ABCB9: variants seen among roughly 807,000 people sequenced by gnomAD.
ABCB9 encodes the protein ABC-type oligopeptide transporter ABCB9.
Under a neutral mutation model 62.0 loss-of-function variants are expected in ABCB9, and 36 were observed. The observed-to-expected ratio is 0.58, with a 90% CI of 0.45 to 0.77. The LOEUF (loss-of-function observed/expected upper bound fraction) is 0.77, where lower values mean the gene tolerates loss of function less well. ABCB9 is among the 30% of genes least tolerant of loss of function. The probability of loss-of-function intolerance (pLI) is 0.00; values close to 1 mark genes in which losing one functional copy is unlikely to be tolerated. For missense variants in ABCB9, 943 were observed against 1,054.7 expected, an observed-to-expected ratio of 0.89 and a Z score of 1.47; for synonymous variants, 435 against 461.4, an observed-to-expected ratio of 0.94 and a Z score of 0.73.
intron 9 of ABCB9, chr12:122,939,894 C>T: frequency 1.6e-6 from 1 of 621,046 alleles, no homozygotes. Context: ...TCAAGGGATC[C>T]TCCAGCCTCA....
upstream of ABCB9, among the ~76,000 whole-genome samples, chr12:122,968,984 C>T (rs1439360309): frequency 6.6e-6 from 1 of 152,172 alleles, no homozygotes; most frequent in African/African-American, 2.4e-5. Context: ...CACTGCGTCC[C>T]TTTCACATAT....
rs1170062562 is a variant in ABCB9 at position 122,944,148 on chromosome 12, C to T, written c.1380+243G>A. 2.6e-5 allele frequency among the ~76,000 whole-genome samples: 4 copies of T among 152,072 alleles called. No individual in the cohort carries two copies. The East Asian group carries it at 7.7e-4, about 29-fold the overall frequency. On this transcript the variant is annotated intron_variant, in intron 7 of 11. Transcript: ENST00000280560. This position sits in a 1 kb window ranked among gnomAD's most constrained non-coding sequence, Gnocchi z 4.9. ...TTCACCATGTTGGCCAGGCTGGTCT[C>T]GAACTCCTGACCTCAAGTGATCCAC... is the stretch of plus-strand genomic sequence containing the variant.
At chr12:122,958,704 G>A (rs1309978072) in intron 2 of ABCB9, among the ~76,000 whole-genome samples, 3 of 151,992 alleles carry the variant, frequency 2.0e-5, no homozygotes, top group African/African-American at 7.2e-5. Flanking sequence ...TTAGCTGGGT[G>A]TGGTGCACGC....
chr12:122,932,603 G>C lies in ABCB9; in HGVS notation c.1904-275C>G, dbSNP rs1275805332. Among the ~76,000 whole-genome samples, 2 of 152,218 alleles carry C rather than the reference G, an allele frequency of 1.3e-5. No homozygotes were observed. The highest frequency in any genetic ancestry group is 2.9e-5 in the Non-Finnish European group (2 of 68,032). On this transcript the variant is annotated intron_variant, in intron 10 of 11. Transcript: ENST00000280560. The surrounding 1 kb of genome is among the most constrained non-coding windows in gnomAD (Gnocchi z 4.7). ...GTGCAGGTGAGGCTGCAGGGAGACAGGCCCTCACCCGTCCTCCTGGAGAAG... is the reference window on the plus strand; with the variant it reads ...GTGCAGGTGAGGCTGCAGGGAGACACGCCCTCACCCGTCCTCCTGGAGAAG...
At position 122,972,037 on chromosome 12, in the gene ABCB9, C is replaced by CTTTTTTTTT. The variant is rs57112984; in HGVS notation, c.-88+2669_-88+2677dup. The stretch of plus-strand genomic sequence containing the variant: ...TTCATAGCAGCTTCATTCATAATGT[C>CTTTTTTTTT]TTTTTTTTTTTTTTTTTTTTTTGTT... On this transcript the variant is annotated intron_variant, in intron 1 of 11. Coordinates refer to the ABCB9 transcript ENST00000392439. Among the ~76,000 whole-genome samples, 14 of 99,270 alleles carry CTTTTTTTTT rather than the reference C, an allele frequency of 1.4e-4. 2 individuals are homozygous for CTTTTTTTTT. Among genetic ancestry groups the CTTTTTTTTT allele is most frequent in the Non-Finnish European group, 1.9e-4 (10 of 53,234 alleles). The allele number at this position is 99,270 out of a possible 152,430, so 65.1% of individuals were successfully genotyped here. A position where few individuals can be genotyped will look rare whatever the true frequency, so the allele number is the denominator to read the frequency against.
exon 12 of ABCB9, chr12:122,920,986 C>T (rs926638629): frequency 2.0e-6 from 3 of 1,530,748 alleles, no homozygotes; most frequent in Non-Finnish European, 2.6e-6. Flanking sequence ...GAATGGTTAT[C>T]ATTGTCATCA....
chr12:122,939,949 G>T (rs1307902776), intron 9 of ABCB9, 162 bp downstream of exon 9: 2 of 1,033,360 alleles, frequency 1.9e-6, no homozygotes, highest in Non-Finnish European at 2.7e-6. Flanking sequence ...ACCACGTCTG[G>T]ACAAGAATGT....
chr12:122,931,922 G>T (rs762356670), intron 11 of ABCB9: 3 of 555,858 alleles, frequency 5.4e-6, no homozygotes, highest in Non-Finnish European at 9.5e-6. Flanking sequence ...GGGATTACAG[G>T]TGTAAGCCAC....
intron 1 of ABCB9, among the ~76,000 whole-genome samples, chr12:122,963,320 A>T (rs1294736567): frequency 1.3e-5 from 2 of 152,058 alleles, no homozygotes; most frequent in Non-Finnish European, 2.9e-5. Flanking sequence ...TCATCTAAGG[A>T]AAAGGGTCCC....
Position 122,940,218 on chromosome 12 carries a change from T to A in ABCB9, c.1636A>T (p.Ser546Cys). The change falls in exon 9 of 12, where the codon AGC (serine) becomes TGC (cysteine). Residue 546 changes from serine to cysteine, a missense_variant. By Grantham distance (112) the Ser-to-Cys change is moderately radical. Transcript: ENST00000280560. This position sits in a 1 kb window ranked among gnomAD's most constrained non-coding sequence, Gnocchi z 4.8. ...ALVGPSGSGKSSCVNILENFY... is the reference protein window; with the variant it reads ...ALVGPSGSGKCSCVNILENFY... ...TTCTCCAGGATGTTGACACAGGAGC[T>A]CTTCCCACTGCCCGAGGGCCCCACC... 6.2e-7 allele frequency: 1 copy of A among 1,612,712 alleles called. No homozygotes were observed. The highest frequency in any genetic ancestry group is 8.5e-7 in the Non-Finnish European group (1 of 1,179,228).
At position 122,944,411 on chromosome 12, in the gene ABCB9, C is replaced by T; in HGVS notation, c.1360G>A (p.Val454Ile). The T allele has an allele frequency of 2.5e-6, 4 of 1,613,654 alleles. No homozygotes were observed. The highest frequency in any genetic ancestry group is 3.4e-6 in the Non-Finnish European group (4 of 1,179,716). ...NLIAFIIYEF[V>I]LGDCMESVGS... is the part of the protein sequence containing the mutation. ...CTCACCTCCATACAATCTCCCAGGA[C>T]AAACTCGTAGATGATGAAGGCGATG... The change falls in exon 7 of 12, where the codon GTC (valine) becomes ATC (isoleucine). Residue 454 changes from valine (V) to isoleucine (I), a missense_variant. Val to Ile is a conservative substitution (Grantham distance 29). Coordinates refer to ENST00000280560, the MANE Select transcript of ABCB9 (RefSeq NM_019625.4). This position sits in a 1 kb window ranked among gnomAD's most constrained non-coding sequence, Gnocchi z 4.9.
intron 11 of ABCB9, among the ~76,000 whole-genome samples, chr12:122,921,829 CA>C (rs1034348228): frequency 3.4e-5 from 5 of 148,844 alleles, no homozygotes; most frequent in East Asian, 2.0e-4. Context: ...CTCCCTCTGC[CA>C]AAAAAAAAAT....
chr12:122,954,607 C>T (rs1390476657), intron 2 of ABCB9, among the ~76,000 whole-genome samples: 2 of 152,196 alleles, frequency 1.3e-5, no homozygotes, highest in African/African-American at 2.4e-5. Flanking sequence ...ATTCTCCTGC[C>T]TCAGCCTTCT....
At position 122,960,407 on chromosome 12, in the gene ABCB9, T is replaced by C. The variant is rs542206496; in HGVS notation, c.-87-85A>G. 8.0e-6 allele frequency: 7 copies of C among 877,144 alleles called. No individual in the cohort carries two copies. In the African/African-American group the frequency reaches 1.2e-4, roughly 15 times the overall value. The allele number at this position is 877,144 out of a possible 1,614,324, so 54.3% of individuals were successfully genotyped here. On this transcript the variant is annotated intron_variant, in intron 1 of 11. Coordinates refer to ENST00000280560, the MANE Select transcript of ABCB9 (RefSeq NM_019625.4). ...GTGACCTTGAGAAAGTCACTTGACA[T>C]CTCTGAGCCTTAGTTTTCTCATCTG...
chr12:122,947,690 C>A lies in ABCB9; in HGVS notation c.1053+934G>T. On this transcript the variant is annotated intron_variant, in intron 5 of 11. Coordinates refer to ENST00000280560, the MANE Select transcript of ABCB9 (RefSeq NM_019625.4). This position sits in a 1 kb window ranked among gnomAD's most constrained non-coding sequence, Gnocchi z 6.0. ...TCAAACCTGGCTCACGGCCCTAGCT[C>A]GGAAGCAGAAGCAGTGCCGTGGGGT... The A allele has an allele frequency of 3.7e-6, 1 of 270,118 alleles. No individual in the cohort carries two copies. Among genetic ancestry groups the A allele is most frequent in the Non-Finnish European group, 7.8e-6 (1 of 127,464 alleles). 16.7% of individuals were successfully genotyped at this position (270,118 alleles called of 1,614,324 possible). A position where few individuals can be genotyped will look rare whatever the true frequency, so the allele number is the denominator to read the frequency against.
At chr12:122,966,823 TC>T (rs72559424), upstream of ABCB9, among the ~76,000 whole-genome samples, 8 of 152,234 alleles carry the variant, frequency 5.3e-5, no homozygotes, top group African/African-American at 1.7e-4. Context: ...CTGGCCTTTT[TC>T]CCTGGAGGGA....
At position 122,944,794 on chromosome 12, in the gene ABCB9, C is replaced by G. The variant is rs1445888664; in HGVS notation, c.1252-275G>C. ...AGGTCCTGGCACACACATGCCACCC[C>G]CAGGCTCCTCAGCTTGGCCACCTGG... On this transcript the variant is annotated intron_variant, in intron 6 of 11. Transcript: ENST00000280560. This position sits in a 1 kb window ranked among gnomAD's most constrained non-coding sequence, Gnocchi z 4.9. 5 of 343,498 alleles carry G rather than the reference C, an allele frequency of 1.5e-5. No individual in the cohort carries two copies. The highest frequency in any genetic ancestry group is 2.8e-5 in the Non-Finnish European group (5 of 180,332). 21.3% of individuals were successfully genotyped at this position (343,498 alleles called of 1,614,324 possible). A position where few individuals can be genotyped will look rare whatever the true frequency, so the allele number is the denominator to read the frequency against.
chr12:122,958,644 G>C (rs939845668), intron 2 of ABCB9, among the ~76,000 whole-genome samples: 2 of 152,158 alleles, frequency 1.3e-5, no homozygotes, highest in Non-Finnish European at 2.9e-5. Context: ...TTCGAGATCA[G>C]CCTGGACAAC....
intron 4 of ABCB9, 138 bp from the exon 5 acceptor site, chr12:122,948,967 G>A (rs1189091727): frequency 1.5e-6 from 1 of 679,438 alleles, no homozygotes; most frequent in Non-Finnish European, 2.4e-6. Context: ...GGGTGGGGGA[G>A]AAGAGCAGAT....
Sources: allele counts gnomAD v4.1 joint callset (sites outside exome capture counted in the v4.1 genomes callset), GRCh38; gene constraint gnomAD v4.1.1; non-coding constraint Gnocchi (gnomAD v3.1); transcripts MANE v1.5; gene names NCBI Gene and HGNC (gene_info 2026-07-23, HGNC 2026-07-21).